Variants in TFB2M observed in about 807,000 individuals in gnomAD.
The protein encoded by TFB2M is transcription factor B2, mitochondrial, also known as dimethyladenosine transferase 2, mitochondrial.
Under a neutral mutation model 41.3 loss-of-function variants are expected in TFB2M, and 44 were observed. The ratio of observed to expected loss-of-function variants is 1.07; its 90% CI spans 0.84 to 1.37. The LOEUF (loss-of-function observed/expected upper bound fraction) is 1.37. Ranked by LOEUF, TFB2M falls within the 40% of genes most tolerant of loss-of-function variation. TFB2M has a pLI of 0.00. For missense variants in TFB2M, 496 were observed against 490.2 expected (o/e 1.01, Z -0.11); for synonymous variants, 188 against 176.8 (o/e 1.06, Z -0.50).
intron 2 of TFB2M, among the ~76,000 whole-genome samples, chr1:246,557,900 A>C (rs1405357289): frequency 6.6e-6 from 1 of 152,088 alleles, no homozygotes; most frequent in African/African-American, 2.4e-5. Context: ...CAATCTCTTG[A>C]CCTCATGATA....
intron 2 of TFB2M, 128 bp from the exon 3 acceptor site, chr1:246,557,662 T>C: frequency 1.2e-6 from 1 of 833,564 alleles, no homozygotes; most frequent in Non-Finnish European, 1.8e-6. Flanking sequence ...TTACCTGGGG[T>C]TTTTTTGTTT....
chr1:246,549,294 T>C (rs1276387717), intron 5 of TFB2M, among the ~76,000 whole-genome samples: 4 of 151,262 alleles, frequency 2.6e-5, no homozygotes, highest in African/African-American at 9.7e-5. Flanking sequence ...TTTTAAGAGA[T>C]GATCCGGTCA....
intron 5 of TFB2M, among the ~76,000 whole-genome samples, chr1:246,550,699 T>C (rs1188380988): frequency 6.6e-6 from 1 of 152,026 alleles, no homozygotes; most frequent in Non-Finnish European, 1.5e-5. Flanking sequence ...GCCTGGCCAA[T>C]GTGGTGAAAC....
chr1:246,542,898 CTTTT>C (rs35984926), intron 7 of TFB2M, among the ~76,000 whole-genome samples: 70 of 112,058 alleles, frequency 6.2e-4, no homozygotes, highest in South Asian at 4.6e-3. Context: ...TCTATTACCA[CTTTT>C]TTTTTTTTTT....
chr1:246,553,223 A>C (rs530789310), intron 4 of TFB2M, among the ~76,000 whole-genome samples: 51 of 152,292 alleles, frequency 3.3e-4, no homozygotes, highest in East Asian at 2.1e-3. Context: ...TCCGTCTAAA[A>C]AAAACAAAAC....
At chr1:246,543,925 G>A (rs1009121215) in intron 7 of TFB2M, among the ~76,000 whole-genome samples, 1 of 152,162 alleles carries the variant, frequency 6.6e-6, no homozygotes, top group Admixed American at 6.5e-5. Context: ...GGGAGGACAA[G>A]GCTGCAGTGA....
At chr1:246,561,459 T>A (rs181572353) in intron 2 of TFB2M, among the ~76,000 whole-genome samples, 154 of 152,308 alleles carry the variant, frequency 1.0e-3, no homozygotes, top group African/African-American at 3.6e-3. Context: ...ATTAAACTGT[T>A]ATCTTGAAGG....
At chr1:246,558,759 C>T (rs1659384881) in intron 2 of TFB2M, among the ~76,000 whole-genome samples, 1 of 152,136 alleles carries the variant, frequency 6.6e-6, no homozygotes, top group Non-Finnish European at 1.5e-5. Context: ...TTTTCATTTA[C>T]TTTTTCTAAA....
chr1:246,561,824 T>C (rs1240996121), intron 2 of TFB2M, among the ~76,000 whole-genome samples: 1 of 152,158 alleles, frequency 6.6e-6, no homozygotes, highest in East Asian at 1.9e-4. Context: ...AAACTTTAAA[T>C]AGAAACAAAG....
chr1:246,564,455 A>C lies in TFB2M; in HGVS notation c.314-21T>G, dbSNP rs1220071980. ...AGGACCTGGCACATTAACAGAACGA[A>C]AAGTTTATTTGTACAAGAAACATAA... On this transcript the variant is annotated intron_variant, in intron 1 of 7. Transcript: ENST00000366514. 5 of 1,607,174 alleles carry C rather than the reference A, an allele frequency of 3.1e-6. No individual in the cohort carries two copies. The East Asian group carries it at 8.9e-5, about 29-fold the overall frequency.
At chr1:246,550,461 A>G (rs754999084) in intron 5 of TFB2M, among the ~76,000 whole-genome samples, 8 of 151,018 alleles carry the variant, frequency 5.3e-5, no homozygotes, top group Non-Finnish European at 7.4e-5. Context: ...ACAAAAGCTA[A>G]AATCAAATGA....
chr1:246,542,373 T>C (rs1296371110), intron 7 of TFB2M, among the ~76,000 whole-genome samples: 1 of 151,806 alleles, frequency 6.6e-6, no homozygotes, highest in African/African-American at 2.4e-5. Context: ...ACAACAACAA[T>C]TGTAAAAAAA....
At chr1:246,554,698 A>G (rs1177184563) in intron 4 of TFB2M, among the ~76,000 whole-genome samples, 2 of 152,192 alleles carry the variant, frequency 1.3e-5, no homozygotes, top group African/African-American at 4.8e-5. Flanking sequence ...TGCACAATAA[A>G]TGTGATGCAC....
intron 6 of TFB2M, among the ~76,000 whole-genome samples, chr1:246,545,043 G>A (rs1042477369): frequency 2.1e-5 from 3 of 141,038 alleles, no homozygotes; most frequent in Non-Finnish European, 3.1e-5. Flanking sequence ...CTGACCTCGT[G>A]ATCCGCCCGC....
intron 7 of TFB2M, among the ~76,000 whole-genome samples, chr1:246,543,801 A>G (rs566032650): frequency 2.0e-5 from 3 of 152,058 alleles, no homozygotes; most frequent in Non-Finnish European, 4.4e-5. Context: ...TAAACACAAA[A>G]TATAAATATA....
At chr1:246,565,723 C>G in intron 1 of TFB2M, 103 bp downstream of exon 1, 1 of 1,295,026 alleles carries the variant, frequency 7.7e-7, no homozygotes, top group East Asian at 2.4e-5. Context: ...AGCAAAAGAA[C>G]AACAAAAAAG....
Position 246,566,205 on chromosome 1 carries a change from G to A in TFB2M, c.-67C>T, listed in dbSNP as rs570439720. On this transcript the variant is annotated 5_prime_UTR_variant, in exon 1 of 8. Transcript: ENST00000366514. Reference sequence around the variant, plus strand: ...GCTACTACAGTGAACCCCACGCAGGGTATCCCACGTGGAACATTTTCTGGC... The same window carrying A: ...GCTACTACAGTGAACCCCACGCAGGATATCCCACGTGGAACATTTTCTGGC... The A allele has an allele frequency of 4.7e-5, 70 of 1,494,936 alleles. 2 individuals are homozygous for A. In the South Asian group the frequency reaches 8.1e-4, roughly 17 times the overall value. 92.6% of individuals were successfully genotyped at this position (1,494,936 alleles called of 1,614,324 possible).
At position 246,540,953 on chromosome 1, in the gene TFB2M, T is replaced by C. The variant is rs1043189922; in HGVS notation, c.*78A>G. 8 of 1,402,654 alleles carry C rather than the reference T, an allele frequency of 5.7e-6. No individual in the cohort carries two copies. Among genetic ancestry groups the C allele is most frequent in the East Asian group, 4.6e-5 (2 of 43,322 alleles). The allele number at this position is 1,402,654 out of a possible 1,614,324, so 86.9% of individuals were successfully genotyped here. ...GAACAGTTACCTTCTGCTGAAAGGA[T>C]GTGAGTTTTCAAATTTGGTTTTCAT... On this transcript the variant is annotated 3_prime_UTR_variant, in exon 8 of 8. Coordinates refer to ENST00000366514, the MANE Select transcript of TFB2M (RefSeq NM_022366.3).
rs146005470 is a variant in TFB2M at position 246,548,432 on chromosome 1, T to C, written c.858+113A>G. The C allele has an allele frequency of 2.8e-4, 231 of 823,880 alleles. No homozygotes were observed. In the African/African-American group the frequency reaches 3.6e-3, roughly 13 times the overall value. 51.0% of individuals were successfully genotyped at this position (823,880 alleles called of 1,614,324 possible). On this transcript the variant is annotated intron_variant, in intron 6 of 7. Transcript: ENST00000366514. ...GTAAGATATGTTTAAAGAATGTTTC[T>C]AGATATTTTAAAATTAAAAAGTTAA...
Sources: gnomAD v4.1 joint callset for allele counts (sites outside exome capture counted in the v4.1 genomes callset) on GRCh38, gnomAD v4.1.1 for gene constraint, MANE v1.5 for transcripts, NCBI Gene and HGNC (gene_info 2026-07-23, HGNC 2026-07-21) for gene names.